Variants in STK31 observed in about 807,000 individuals in gnomAD.
The protein encoded by STK31 is serine/threonine kinase 31.
Under a neutral mutation model 129.7 loss-of-function variants are expected in STK31, and 89 were observed. The ratio of observed to expected loss-of-function variants is 0.69; its 90% CI spans 0.58 to 0.82. The LOEUF (loss-of-function observed/expected upper bound fraction) is 0.82. Among genes scored for constraint, STK31 ranks in the 40% least tolerant of loss-of-function variants. The probability of loss-of-function intolerance (pLI) is 0.00; values close to 1 mark genes in which losing one functional copy is unlikely to be tolerated. For synonymous variants in STK31, 448 were observed against 395.3 expected, an observed-to-expected ratio of 1.13 and a Z score of -1.58; for missense variants, 1,187 against 1,176.4, an observed-to-expected ratio of 1.01 and a Z score of -0.13.
chr7:23,730,524 AT>A (rs1198729505), intron 6 of STK31, among the ~76,000 whole-genome samples: 84 of 152,076 alleles, frequency 5.5e-4, no homozygotes, highest in African/African-American at 2.0e-3. Flanking sequence ...CTTGTTTTGG[AT>A]TTCTTGCATG....
At position 23,729,251 on chromosome 7, in the gene STK31, C is replaced by G; in HGVS notation, c.483+2C>G. Reference sequence around the variant, plus strand: ...CAAGAAGTTACCCAGTTTGATCAGGCAAGTCACGTATTTTAAATATTTTTG... The same window carrying G: ...CAAGAAGTTACCCAGTTTGATCAGGGAAGTCACGTATTTTAAATATTTTTG... On this transcript the variant is annotated splice_donor_variant, in intron 6 of 23. Transcript: ENST00000355870. LOFTEE classifies it high-confidence loss of function. 1 of 1,573,830 alleles carries G rather than the reference C, an allele frequency of 6.4e-7. No individual in the cohort carries two copies. Among genetic ancestry groups the G allele is most frequent in the African/African-American group, 1.4e-5 (1 of 72,694 alleles).
At chr7:23,758,730 C>T (rs957600645) in intron 10 of STK31, among the ~76,000 whole-genome samples, 10 of 152,122 alleles carry the variant, frequency 6.6e-5, no homozygotes, top group African/African-American at 2.4e-4. Flanking sequence ...ATTATTTACC[C>T]TGGAGCCATT....
intron 10 of STK31, among the ~76,000 whole-genome samples, chr7:23,755,658 T>A (rs1489622333): frequency 6.6e-6 from 1 of 152,222 alleles, no homozygotes; most frequent in Non-Finnish European, 1.5e-5. Context: ...CTTTAATCCA[T>A]CTAGAGTTAA....
intron 10 of STK31, among the ~76,000 whole-genome samples, chr7:23,757,999 T>C (rs1789207115): frequency 6.6e-6 from 1 of 152,202 alleles, no homozygotes; most frequent in Admixed American, 6.5e-5. Context: ...CCTAAATCCA[T>C]GAAACCTTGA....
intron 3 of STK31, among the ~76,000 whole-genome samples, chr7:23,717,097 CT>C (rs70956911): frequency 0.059 from 2,522 of 42,416 alleles, 65 homozygotes; most frequent in Non-Finnish European, 0.077. Context: ...TCGCAACCTG[CT>C]TTTTTTTTTT....
chr7:23,747,691 C>T (rs901649816), intron 8 of STK31, among the ~76,000 whole-genome samples: 5 of 152,118 alleles, frequency 3.3e-5, no homozygotes, highest in African/African-American at 1.2e-4. Flanking sequence ...TTTGTGTGAG[C>T]TTTGGCAGAT....
chr7:23,710,083 TG>T, upstream of STK31: 1 of 827,340 alleles, frequency 1.2e-6, no homozygotes, highest in Non-Finnish European at 1.9e-6. Flanking sequence ...CCTCAGTGCC[TG>T]GGGGTCGGCA....
At chr7:23,754,285 T>C (rs754392783) in intron 9 of STK31, 30 bp from the exon 10 acceptor site, 8 of 1,596,598 alleles carry the variant, frequency 5.0e-6, no homozygotes, top group Non-Finnish European at 6.0e-6. Context: ...AATTTATTGA[T>C]CTTCTTCTTT....
intron 22 of STK31, among the ~76,000 whole-genome samples, chr7:23,793,730 T>C (rs1465711266): frequency 6.6e-6 from 1 of 152,170 alleles, no homozygotes; most frequent in East Asian, 1.9e-4. Flanking sequence ...AAAAAGATCG[T>C]ACCAACGGTT....
At chr7:23,759,574 T>A (rs28406908) in intron 10 of STK31, among the ~76,000 whole-genome samples, 78,415 of 151,986 alleles carry the variant, frequency 0.52, 20,507 homozygotes, top group East Asian at 0.61. Context: ...CTTCATTTAT[T>A]GCCTTATAAG....
intron 22 of STK31, among the ~76,000 whole-genome samples, chr7:23,809,686 A>G (rs1274594317): frequency 6.6e-6 from 1 of 152,202 alleles, no homozygotes; most frequent in Non-Finnish European, 1.5e-5. Context: ...ACACAGTTCA[A>G]ATCTACATTG....
intron 22 of STK31, among the ~76,000 whole-genome samples, chr7:23,801,653 C>G (rs1373668470): frequency 1.3e-5 from 2 of 152,076 alleles, no homozygotes; most frequent in Non-Finnish European, 2.9e-5. Context: ...ATATTTTCTT[C>G]TAAAAGCTCT....
intron 8 of STK31, among the ~76,000 whole-genome samples, chr7:23,743,241 A>G (rs1400488487): frequency 6.6e-6 from 1 of 152,178 alleles, no homozygotes; most frequent in Admixed American, 6.5e-5. Flanking sequence ...GGCGTGAGCC[A>G]CTGCGTCCAG....
intron 22 of STK31, among the ~76,000 whole-genome samples, chr7:23,807,607 C>G (rs1792788127): frequency 6.6e-6 from 1 of 152,070 alleles, no homozygotes; most frequent in South Asian, 2.1e-4. Context: ...GGAAGTTCAG[C>G]AATTATTTAC....
intron 11 of STK31, among the ~76,000 whole-genome samples, chr7:23,765,148 G>T (rs1045387713): frequency 2.0e-5 from 3 of 151,976 alleles, no homozygotes; most frequent in African/African-American, 4.8e-5. Context: ...TCTGCCTCCC[G>T]GGTTCAAGCG....
intron 12 of STK31, among the ~76,000 whole-genome samples, 166 bp downstream of exon 12, chr7:23,769,340 C>T (rs1401877099): frequency 6.6e-6 from 1 of 152,132 alleles, no homozygotes; most frequent in African/African-American, 2.4e-5. Flanking sequence ...AGTCAGATTG[C>T]TCCTTTTATT....
chr7:23,763,268 A>G (rs1336877882), intron 11 of STK31, among the ~76,000 whole-genome samples: 1 of 152,082 alleles, frequency 6.6e-6, no homozygotes, highest in East Asian at 1.9e-4. Context: ...GGGAGAAGGG[A>G]TCAACTCTGA....
At chr7:23,775,043 C>G (rs775112309) in intron 15 of STK31, among the ~76,000 whole-genome samples, 2 of 152,152 alleles carry the variant, frequency 1.3e-5, no homozygotes, top group Non-Finnish European at 2.9e-5. Context: ...AATCCTTTCC[C>G]CATTGCTTTC....
intron 16 of STK31, among the ~76,000 whole-genome samples, chr7:23,782,339 TC>T (rs5882914): frequency 0.24 from 35,910 of 151,146 alleles, 4,846 homozygotes; most frequent in East Asian, 0.39. Flanking sequence ...GGTCATGGTG[TC>T]ATGTACCTGT....
Sources: allele counts gnomAD v4.1 joint callset (sites outside exome capture counted in the v4.1 genomes callset), GRCh38; gene constraint gnomAD v4.1.1; transcripts MANE v1.5; gene names NCBI Gene and HGNC (gene_info 2026-07-23, HGNC 2026-07-21).